Variants in COBL observed in about 807,000 individuals in gnomAD.
COBL encodes cordon-bleu WH2 repeat protein.
In COBL, 51 loss-of-function variants were observed where a neutral mutation model predicts 98.8. The observed-to-expected ratio is 0.52, with a 90% CI of 0.41 to 0.65. The LOEUF is 0.65. Among genes scored for constraint, COBL ranks in the 30% least tolerant of loss-of-function variants. The probability of loss-of-function intolerance (pLI) is 0.00; values close to 1 mark genes in which losing one functional copy is unlikely to be tolerated. For missense variants in COBL, 1,617 were observed against 1,617.5 expected, an observed-to-expected ratio of 1.00 and a Z score of 0.01; for synonymous variants, 634 against 651.7, an observed-to-expected ratio of 0.97 and a Z score of 0.41.
At chr7:51,285,248 C>G (rs1329909369) in intron 1 of COBL, among the ~76,000 whole-genome samples, 2 of 150,214 alleles carry the variant, frequency 1.3e-5, no homozygotes, top group African/African-American at 4.9e-5. Flanking sequence ...CCCAGCTATT[C>G]AACTTCTTAC....
intron 10 of COBL, 36 bp downstream of exon 10, chr7:51,027,676 G>T (rs757833824): frequency 1.9e-6 from 3 of 1,549,114 alleles, no homozygotes; most frequent in Admixed American, 1.7e-5. Context: ...AAGTGGGCAG[G>T]TGTGGAAGGC....
intron 2 of COBL, among the ~76,000 whole-genome samples, chr7:51,201,678 T>C (rs750301838): frequency 6.6e-6 from 1 of 152,178 alleles, no homozygotes; most frequent in Non-Finnish European, 1.5e-5. Flanking sequence ...CAAGAGCATG[T>C]GGAACATTCT....
intron 5 of COBL, among the ~76,000 whole-genome samples, chr7:51,146,010 G>A (rs1356553716): frequency 6.6e-6 from 1 of 152,130 alleles, no homozygotes; most frequent in Non-Finnish European, 1.5e-5. Flanking sequence ...CAGGCTGGAG[G>A]TGGCTCATTT....
At chr7:51,122,025 C>T (rs1797781438) in intron 6 of COBL, among the ~76,000 whole-genome samples, 1 of 152,212 alleles carries the variant, frequency 6.6e-6, no homozygotes, top group Non-Finnish European at 1.5e-5. Context: ...TTCCCACTTC[C>T]TCCATGTTGC....
At chr7:51,300,737 T>A (rs2129202192) in intron 1 of COBL, among the ~76,000 whole-genome samples, 1 of 152,278 alleles carries the variant, frequency 6.6e-6, no homozygotes, top group South Asian at 2.1e-4. Context: ...TGCTAGGACC[T>A]AGGACGGAGC....
At chr7:51,167,524 T>C (rs1053761195) in intron 5 of COBL, among the ~76,000 whole-genome samples, 2 of 151,956 alleles carry the variant, frequency 1.3e-5, no homozygotes, top group African/African-American at 4.8e-5. Context: ...ACAAATTCAA[T>C]GCAATGTCTA....
chr7:51,222,861 G>C (rs561121237), intron 1 of COBL, among the ~76,000 whole-genome samples: 2 of 152,256 alleles, frequency 1.3e-5, no homozygotes, highest in Non-Finnish European at 2.9e-5. Context: ...TGAGAGGCTG[G>C]AGAGAGTCGG....
In COBL at chr7:51,019,307, T is replaced by C. The variant is rs190587820; in HGVS notation, c.3769-1739A>G. Among the ~76,000 whole-genome samples, 101 of 152,092 alleles carry C rather than the reference T, an allele frequency of 6.6e-4. 3 individuals are homozygous for C. In the Middle Eastern group the frequency reaches 0.027, roughly 41 times the overall value. The stretch of plus-strand genomic sequence containing the variant: ...TCAAGGAGGCACCAGGGAGCGTGTC[T>C]ACCCTTCCATCACATGACACGATGG... On this transcript the variant is annotated intron_variant, in intron 12 of 12. Coordinates refer to ENST00000265136, the MANE Select transcript of COBL (RefSeq NM_015198.5).
At chr7:51,232,112 G>A (rs1162186112) in intron 1 of COBL, among the ~76,000 whole-genome samples, 4 of 152,114 alleles carry the variant, frequency 2.6e-5, no homozygotes, top group Admixed American at 6.5e-5. Context: ...GAGTGCTATG[G>A]GCTGCCAAAA....
chr7:51,049,050 T>G (rs1789989391), intron 7 of COBL, among the ~76,000 whole-genome samples: 1 of 152,200 alleles, frequency 6.6e-6, no homozygotes, highest in Admixed American at 6.5e-5. Flanking sequence ...TTCTAAAACT[T>G]TTCCTCTAAT....
At chr7:51,142,926 G>A (rs1263129203) in intron 5 of COBL, among the ~76,000 whole-genome samples, 9 of 152,286 alleles carry the variant, frequency 5.9e-5, no homozygotes, top group African/African-American at 9.6e-5. Flanking sequence ...AGGATCCTGT[G>A]ACAGTGGCCA....
chr7:51,282,334 C>T (rs551926195), intron 1 of COBL, among the ~76,000 whole-genome samples: 1 of 151,980 alleles, frequency 6.6e-6, no homozygotes, highest in African/African-American at 2.4e-5. Context: ...TCAAAAAACT[C>T]ACTTTAAATA....
chr7:51,229,964 G>C (rs1794588332), intron 1 of COBL, among the ~76,000 whole-genome samples: 1 of 152,126 alleles, frequency 6.6e-6, no homozygotes, highest in Non-Finnish European at 1.5e-5. Context: ...CATGCCTCTA[G>C]ATCACACCCC....
At chr7:51,163,046 A>G (rs1040221347) in intron 5 of COBL, among the ~76,000 whole-genome samples, 13 of 152,244 alleles carry the variant, frequency 8.5e-5, no homozygotes, top group Non-Finnish European at 1.5e-4. Context: ...CCGGATATAC[A>G]CAAAAGGAGT....
chr7:51,219,754 C>T lies in COBL; in HGVS notation c.232G>A (p.Val78Met), dbSNP rs376333360. The stretch of plus-strand genomic sequence containing the variant: ...ACCGGCTCTCACCTCCCATTGAGCA[C>T]GCTCCTCTTCTCCAGCCCACTAGGC... ...VLPSGLEKRS[V>M]LNGSHAMMDL... The change falls in exon 2 of 13, where the codon GTG (valine) becomes ATG (methionine). Residue 78 changes from valine (V) to methionine (M), a missense_variant. Val to Met is a conservative substitution (Grantham distance 21). This residue lies in a region of COBL where 238 missense variants were observed against 215.0 expected (regional missense o/e 1.11). Transcript: ENST00000265136. 2.9e-5 allele frequency: 46 copies of T among 1,613,950 alleles called. No individual in the cohort carries two copies. The highest frequency in any genetic ancestry group is 1.3e-4 in the African/African-American group (10 of 75,032).
chr7:51,184,137 C>T lies in COBL; in HGVS notation c.748G>A (p.Gly250Arg). The T allele has an allele frequency of 6.4e-7, 1 of 1,560,272 alleles. No homozygotes were observed. The highest frequency in any genetic ancestry group is 1.2e-5 in the South Asian group (1 of 82,978). ...ETDKEKKKFLGFFKVNKRSNS... is the reference protein window; with the variant it reads ...ETDKEKKKFLRFFKVNKRSNS... Reference sequence around the variant, plus strand: ...CTTCTTTTATTAACTTTGAAAAATCCCAGAAATTTTTTCTTCTCTTTATCT... The same window carrying T: ...CTTCTTTTATTAACTTTGAAAAATCTCAGAAATTTTTTCTTCTCTTTATCT... The change falls in exon 5 of 13, where the codon GGA becomes AGA. Residue 250 changes from glycine (G) to arginine (R), a missense_variant. Gly to Arg is a moderately radical substitution (Grantham distance 125). Transcript: ENST00000265136.
intron 1 of COBL, among the ~76,000 whole-genome samples, chr7:51,307,323 T>G (rs56069057): frequency 0.013 from 2,003 of 152,002 alleles, 22 homozygotes; most frequent in Non-Finnish European, 0.02. Context: ...CACTCCAGCC[T>G]GGGTGCCAGA....
At chr7:51,179,909 T>A (rs1168198364) in intron 5 of COBL, among the ~76,000 whole-genome samples, 1 of 152,192 alleles carries the variant, frequency 6.6e-6, no homozygotes, top group Admixed American at 6.5e-5. Context: ...TCTTTTTGTT[T>A]GAAACACAGT....
At chr7:51,228,342 T>C (rs928591081) in intron 1 of COBL, among the ~76,000 whole-genome samples, 1 of 151,738 alleles carries the variant, frequency 6.6e-6, no homozygotes, top group African/African-American at 2.4e-5. Flanking sequence ...TAGCACTCAA[T>C]GACTGGTGGT....
Sources: gnomAD v4.1 joint callset for allele counts (sites outside exome capture counted in the v4.1 genomes callset) on GRCh38, gnomAD v4.1.1 for gene constraint, gnomAD v4.1.1 regional missense constraint, MANE v1.5 for transcripts, NCBI Gene and HGNC (gene_info 2026-07-23, HGNC 2026-07-21) for gene names.